TMEM117: variants seen among roughly 807,000 people sequenced by gnomAD.
The protein encoded by TMEM117 is transmembrane protein 117.
Under a neutral mutation model 52.4 loss-of-function variants are expected in TMEM117, and 27 were observed. That is an observed-to-expected ratio of 0.51 (90% CI 0.38 to 0.71). The LOEUF (loss-of-function observed/expected upper bound fraction) is 0.71. TMEM117 is among the 30% of genes least tolerant of loss of function. The pLI is 0.00. For missense variants in TMEM117, 556 were observed against 630.5 expected, an observed-to-expected ratio of 0.88 and a Z score of 1.26; for synonymous variants, 215 against 206.3, an observed-to-expected ratio of 1.04 and a Z score of -0.36.
chr12:44,176,601 A>C (rs1949119792), intron 4 of TMEM117, among the ~76,000 whole-genome samples: 1 of 152,200 alleles, frequency 6.6e-6, no homozygotes, highest in Admixed American at 6.5e-5. Context: ...GAGAAGGATG[A>C]GATTTCAAAT....
chr12:43,895,560 G>C (rs1164550881), intron 2 of TMEM117, among the ~76,000 whole-genome samples: 1 of 152,076 alleles, frequency 6.6e-6, no homozygotes, highest in Non-Finnish European at 1.5e-5. Context: ...GGGTGCTGTG[G>C]GGAATACAAA....
At chr12:44,091,729 G>A (rs1268760094) in intron 3 of TMEM117, among the ~76,000 whole-genome samples, 1 of 152,124 alleles carries the variant, frequency 6.6e-6, no homozygotes, top group Non-Finnish European at 1.5e-5. Flanking sequence ...CAAGGCTTTG[G>A]AAAGGACAGT....
At chr12:44,063,539 A>G (rs1947172892) in intron 3 of TMEM117, among the ~76,000 whole-genome samples, 1 of 151,890 alleles carries the variant, frequency 6.6e-6, no homozygotes, top group Non-Finnish European at 1.5e-5. Context: ...ACATATGTAT[A>G]CATGTGCCAT....
At chr12:44,169,988 T>C (rs1050542609) in intron 4 of TMEM117, among the ~76,000 whole-genome samples, 6 of 152,210 alleles carry the variant, frequency 3.9e-5, no homozygotes, top group Middle Eastern at 3.4e-3. Context: ...TAAAGACACA[T>C]GCACACGTAT....
chr12:44,383,665 G>A (rs1952050596), intron 7 of TMEM117, among the ~76,000 whole-genome samples: 1 of 152,184 alleles, frequency 6.6e-6, no homozygotes. Flanking sequence ...GCTCTCATAT[G>A]ATTAATGCTG....
At chr12:43,939,199 A>C (rs1592378329) in intron 2 of TMEM117, among the ~76,000 whole-genome samples, 1 of 152,272 alleles carries the variant, frequency 6.6e-6, no homozygotes, top group East Asian at 1.9e-4. Flanking sequence ...CAACAAACCA[A>C]ATATACTCCT....
chr12:43,994,124 TG>T (rs1275574479), intron 3 of TMEM117, among the ~76,000 whole-genome samples: 1 of 152,238 alleles, frequency 6.6e-6, no homozygotes, highest in Admixed American at 6.5e-5. Context: ...GGCCTATAAA[TG>T]TCTTCTGGTT....
At position 44,383,607 on chromosome 12, in the gene TMEM117, T is replaced by C. The variant is rs367747936; in HGVS notation, c.899-4419T>C. 1.3e-4 allele frequency among the ~76,000 whole-genome samples: 20 copies of C among 152,326 alleles called. 1 individual carries two copies. In the South Asian group the frequency reaches 1.9e-3, roughly 14 times the overall value. On this transcript the variant is annotated intron_variant, in intron 7 of 7. Coordinates refer to ENST00000266534, the MANE Select transcript of TMEM117 (RefSeq NM_032256.3). ...ATGGATTCTTACCCTACCTCCTTGC[T>C]GATTTACATTGTGCTAGGTAGTTGA...
At chr12:43,855,521 G>A (rs994826041) in intron 2 of TMEM117, among the ~76,000 whole-genome samples, 2 of 152,118 alleles carry the variant, frequency 1.3e-5, no homozygotes, top group African/African-American at 4.8e-5. Context: ...ATGAATACAT[G>A]CTAAAGATGT....
chr12:44,119,606 T>G (rs915183083), intron 3 of TMEM117, among the ~76,000 whole-genome samples: 8 of 152,164 alleles, frequency 5.3e-5, no homozygotes, highest in African/African-American at 1.9e-4. Context: ...TGAGACCCTT[T>G]GTGGCTTAGT....
chr12:43,895,655 C>T (rs1225970179), intron 2 of TMEM117, among the ~76,000 whole-genome samples: 1 of 152,112 alleles, frequency 6.6e-6, no homozygotes, highest in Non-Finnish European at 1.5e-5. Context: ...ATTTGCCAGT[C>T]TCATGTTATA....
intron 3 of TMEM117, among the ~76,000 whole-genome samples, chr12:43,982,604 T>C (rs922241026): frequency 6.6e-6 from 1 of 152,236 alleles, no homozygotes; most frequent in African/African-American, 2.4e-5. Flanking sequence ...ATCTTAATAT[T>C]TTCTGCTTAG....
chr12:43,805,773 C>A, the TMEM117 span: 9 of 1,349,428 alleles, frequency 6.7e-6, no homozygotes, highest in East Asian at 3.6e-4. Context: ...TGGCATGGTT[C>A]TTTTTGTAAT....
intron 2 of TMEM117, among the ~76,000 whole-genome samples, chr12:43,923,561 G>A (rs541792785): frequency 1.3e-5 from 2 of 152,088 alleles, no homozygotes; most frequent in South Asian, 4.1e-4. Context: ...CTTCTTCCAG[G>A]CACTAATGGA....
chr12:44,061,622 A>G (rs144761197), intron 3 of TMEM117, among the ~76,000 whole-genome samples: 1 of 152,258 alleles, frequency 6.6e-6, no homozygotes, highest in Non-Finnish European at 1.5e-5. Context: ...AAAATCCAGG[A>G]TGTACTTGGT....
chr12:44,029,512 G>A (rs1198738830), intron 3 of TMEM117, among the ~76,000 whole-genome samples: 1 of 152,152 alleles, frequency 6.6e-6, no homozygotes, highest in African/African-American at 2.4e-5. Flanking sequence ...CTACTGACAA[G>A]TGGCTGCCCG....
intron 3 of TMEM117, among the ~76,000 whole-genome samples, chr12:43,992,960 TACTC>T (rs1485471106): frequency 6.6e-6 from 1 of 152,192 alleles, no homozygotes; most frequent in Admixed American, 6.5e-5. Context: ...ACAAGGAAGA[TACTC>T]ACTAAATATA....
At chr12:43,990,620 T>A (rs981384066) in intron 3 of TMEM117, among the ~76,000 whole-genome samples, 1 of 152,202 alleles carries the variant, frequency 6.6e-6, no homozygotes, top group Non-Finnish European at 1.5e-5. Flanking sequence ...TAATTAGGAT[T>A]TAGTGTGCTG....
At chr12:43,976,587 A>G (rs1186599575) in intron 3 of TMEM117, among the ~76,000 whole-genome samples, 3 of 152,156 alleles carry the variant, frequency 2.0e-5, no homozygotes, top group South Asian at 2.1e-4. Flanking sequence ...ATTTCTTTAC[A>G]TTCCCTTATT....
Sources: gnomAD v4.1 joint callset for allele counts (sites outside exome capture counted in the v4.1 genomes callset) on GRCh38, gnomAD v4.1.1 for gene constraint, MANE v1.5 for transcripts, NCBI Gene and HGNC (gene_info 2026-07-23, HGNC 2026-07-21) for gene names.